Variants in RB1 observed in about 807,000 individuals in gnomAD.
RB1 encodes the protein RB transcriptional corepressor 1.
In RB1, 18 loss-of-function variants were observed where a neutral mutation model predicts 135.4. That is an observed-to-expected ratio of 0.13 (90% CI 0.09 to 0.20). The LOEUF (loss-of-function observed/expected upper bound fraction) is 0.20, where lower values mean the gene tolerates loss of function less well. RB1 is among the 10% of genes least tolerant of loss of function. The probability of loss-of-function intolerance (pLI) is 1.00; values close to 1 mark genes in which losing one functional copy is unlikely to be tolerated. For synonymous variants in RB1, 365 were observed against 373.2 expected (o/e 0.98, Z 0.25); for missense variants, 868 against 1,110.0 (o/e 0.78, Z 3.10).
intron 11 of RB1, among the ~76,000 whole-genome samples, chr13:48,372,490 T>A (rs1347442931): frequency 2.0e-5 from 3 of 151,934 alleles, no homozygotes; most frequent in African/African-American, 7.3e-5. Context: ...AAACCCCGTC[T>A]CTACTAAAAA....
chr13:48,423,993 T>C (rs1279815722), intron 17 of RB1: 1 of 152,662 alleles, frequency 6.6e-6, no homozygotes, highest in Non-Finnish European at 1.5e-5. Context: ...CTAAACTTAC[T>C]TCAGTCATTT....
intron 2 of RB1, chr13:48,318,044 C>T: frequency 1.9e-6 from 1 of 523,400 alleles, no homozygotes; most frequent in Non-Finnish European, 3.6e-6. Flanking sequence ...GGGAGCTGGG[C>T]CCTGGCATTC....
At chr13:48,367,188 A>G (rs1337644873) in intron 9 of RB1, among the ~76,000 whole-genome samples, 2 of 151,868 alleles carry the variant, frequency 1.3e-5, no homozygotes, top group Non-Finnish European at 2.9e-5. Flanking sequence ...TGGCAGTTAA[A>G]CAGTTATTAT....
chr13:48,388,121 A>G (rs917625816), intron 17 of RB1, among the ~76,000 whole-genome samples: 3 of 152,190 alleles, frequency 2.0e-5, no homozygotes, highest in African/African-American at 7.2e-5. Flanking sequence ...ATATGTGCAT[A>G]TCTCATGTTA....
intron 19 of RB1, among the ~76,000 whole-genome samples, 183 bp downstream of exon 19, chr13:48,456,532 C>T (rs960365047): frequency 3.3e-5 from 5 of 152,200 alleles, no homozygotes; most frequent in African/African-American, 4.8e-5. Context: ...TATTCAGAGT[C>T]GTTTTTCTGG....
intron 17 of RB1, among the ~76,000 whole-genome samples, chr13:48,406,143 T>C (rs747723303): frequency 3.3e-5 from 5 of 152,080 alleles, no homozygotes; most frequent in Non-Finnish European, 7.4e-5. Flanking sequence ...TGTTATGTAA[T>C]TGAAATTGTG....
intron 2 of RB1, among the ~76,000 whole-genome samples, chr13:48,309,271 C>T (rs1952111878): frequency 6.6e-6 from 1 of 152,168 alleles, no homozygotes; most frequent in South Asian, 2.1e-4. Flanking sequence ...AATGAATTTA[C>T]TTTCTCAACA....
chr13:48,342,449 C>T, intron 2 of RB1, 150 bp from the exon 3 acceptor site: 2 of 518,358 alleles, frequency 3.9e-6, no homozygotes, highest in South Asian at 5.8e-5. Context: ...CAAATATATG[C>T]CATCAGAAGG....
chr13:48,338,075 G>A (rs1952401112), intron 2 of RB1, among the ~76,000 whole-genome samples: 1 of 152,180 alleles, frequency 6.6e-6, no homozygotes, highest in Non-Finnish European at 1.5e-5. Context: ...GCTTCGCTTT[G>A]TGGGTAACCC....
At position 48,325,001 on chromosome 13, in the gene RB1, CA is replaced by C. The variant is rs59792871; in HGVS notation, c.264+17596del. 1.7e-4 allele frequency among the ~76,000 whole-genome samples: 25 copies of C among 149,708 alleles called. No homozygotes were observed. The East Asian group carries it at 4.7e-3, about 28-fold the overall frequency. On this transcript the variant is annotated intron_variant, in intron 2 of 26. Coordinates refer to ENST00000267163, the MANE Select transcript of RB1 (RefSeq NM_000321.3). Reference sequence around the variant, plus strand: ...TGGGATTTGTTTTTTTTTTTAAGTTCAGGGGTACATGTGCAGTTTTGTTACA... The same window carrying C: ...TGGGATTTGTTTTTTTTTTTAAGTTCGGGGTACATGTGCAGTTTTGTTACA...
chr13:48,457,608 C>T (rs1401072596), intron 19 of RB1, among the ~76,000 whole-genome samples: 1 of 152,216 alleles, frequency 6.6e-6, no homozygotes, highest in Non-Finnish European at 1.5e-5. Context: ...AGGAGCCCAT[C>T]TGCCTCCTGC....
At chr13:48,306,394 A>C (rs1468524645) in intron 1 of RB1, among the ~76,000 whole-genome samples, 6 of 152,192 alleles carry the variant, frequency 3.9e-5, no homozygotes, top group African/African-American at 1.2e-4. Context: ...GACAGAGTGA[A>C]ACCCTATTTC....
chr13:48,316,144 G>T (rs999856189), intron 2 of RB1, among the ~76,000 whole-genome samples: 3 of 152,074 alleles, frequency 2.0e-5, no homozygotes, highest in African/African-American at 7.2e-5. Context: ...CATCCGCGGG[G>T]ATTTCACATG....
At chr13:48,464,301 T>C (rs920583387) in intron 21 of RB1, among the ~76,000 whole-genome samples, 18 of 152,208 alleles carry the variant, frequency 1.2e-4, no homozygotes, top group Non-Finnish European at 7.3e-5. Flanking sequence ...ACATTTCATA[T>C]TGTTCTGTGG....
Position 48,303,865 on chromosome 13 carries a change from C to T in RB1, c.-48C>T, listed in dbSNP as rs574811824. ...CCCCGACGTGCGCGCGCGTCGTCCT[C>T]CCCGGCGCTCCTCCACAGCTCGCTG... On this transcript the variant is annotated 5_prime_UTR_variant, in exon 1 of 27. Coordinates refer to ENST00000267163, the MANE Select transcript of RB1 (RefSeq NM_000321.3). The T allele has an allele frequency of 8.1e-5, 122 of 1,506,438 alleles. No individual in the cohort carries two copies. In the African/African-American group the frequency reaches 1.1e-3, roughly 13 times the overall value. 93.3% of individuals were successfully genotyped at this position (1,506,438 alleles called of 1,614,324 possible). A position where few individuals can be genotyped will look rare whatever the true frequency, so the allele number is the denominator to read the frequency against.
chr13:48,479,626 C>T (rs745818757), intron 26 of RB1, among the ~76,000 whole-genome samples: 1 of 151,474 alleles, frequency 6.6e-6, no homozygotes, highest in Non-Finnish European at 1.5e-5. Context: ...GATTTGGAGA[C>T]CACTGTTTTT....
intron 7 of RB1, among the ~76,000 whole-genome samples, chr13:48,362,106 C>T (rs1952648196): frequency 6.6e-6 from 1 of 151,978 alleles, no homozygotes; most frequent in East Asian, 1.9e-4. Flanking sequence ...CACCACCACA[C>T]CTGGCTAATT....
In RB1 at chr13:48,319,886, C is replaced by T; in HGVS notation, c.264+12480C>T. 3.0e-6 allele frequency: 1 copy of T among 334,690 alleles called. No individual in the cohort carries two copies. The highest frequency in any genetic ancestry group is 5.8e-6 in the Non-Finnish European group (1 of 171,858). The allele number at this position is 334,690 out of a possible 1,614,324, so 20.7% of individuals were successfully genotyped here. On this transcript the variant is annotated intron_variant, in intron 2 of 26. Coordinates refer to ENST00000267163, the MANE Select transcript of RB1 (RefSeq NM_000321.3). This position sits in a 1 kb window ranked among gnomAD's most constrained non-coding sequence, Gnocchi z 5.0. The stretch of plus-strand genomic sequence containing the variant: ...GAACCCTAGTCCTCACTGGATCTCA[C>T]CTGGCTGCCAGGGCCACCACCTGAG...
intron 6 of RB1, among the ~76,000 whole-genome samples, chr13:48,352,994 T>C (rs761339037): frequency 2.5e-4 from 38 of 151,974 alleles, no homozygotes; most frequent in Non-Finnish European, 4.9e-4. Flanking sequence ...GTGGGTTAGT[T>C]ATAGGTGAAA....
Sources: gnomAD v4.1 joint callset for allele counts (sites outside exome capture counted in the v4.1 genomes callset) on GRCh38, gnomAD v4.1.1 for gene constraint, Gnocchi (gnomAD v3.1) non-coding constraint, MANE v1.5 for transcripts, NCBI Gene and HGNC (gene_info 2026-07-23, HGNC 2026-07-21) for gene names.